Variants in ASTN1 observed in about 807,000 individuals in gnomAD.
The protein encoded by ASTN1 is astrotactin-1.
In ASTN1, 41 loss-of-function variants were observed where a neutral mutation model predicts 140.7. The observed-to-expected ratio is 0.29, with a 90% confidence interval of 0.23 to 0.38. ASTN1 has a LOEUF of 0.38. Ranked by LOEUF, ASTN1 falls within the 10% of genes least tolerant of loss-of-function variation. The probability of loss-of-function intolerance (pLI) is 1.00; values close to 1 mark genes in which losing one functional copy is unlikely to be tolerated. For synonymous variants in ASTN1, 640 were observed against 652.2 expected, an observed-to-expected ratio of 0.98 and a Z score of 0.29; for missense variants, 1,479 against 1,678.8, an observed-to-expected ratio of 0.88 and a Z score of 2.08.
At position 176,874,848 on chromosome 1, in the gene ASTN1, C is replaced by A. The variant is rs966525168; in HGVS notation, c.3463+1689G>T. On this transcript the variant is annotated intron_variant, in intron 21 of 22. Coordinates refer to ENST00000361833, the MANE Select transcript of ASTN1 (RefSeq NM_004319.3). ...TAAACTGAGGCACGGGGTGAAGTAA[C>A]CTGTTGAAGATCAAGCAGTTAGATG... Among the ~76,000 whole-genome samples the A allele has an allele frequency of 2.0e-5, 3 of 151,900 alleles. No homozygotes were observed. In the South Asian group the frequency reaches 6.3e-4, roughly 32 times the overall value.
chr1:177,028,726 A>T (rs905935159), intron 5 of ASTN1, among the ~76,000 whole-genome samples: 1 of 152,230 alleles, frequency 6.6e-6, no homozygotes, highest in Non-Finnish European at 1.5e-5. Flanking sequence ...AACAGCAACA[A>T]TAGGGATTTC....
intron 19 of ASTN1, among the ~76,000 whole-genome samples, chr1:176,883,227 G>T (rs1031327986): frequency 6.7e-6 from 1 of 149,268 alleles, no homozygotes; most frequent in Non-Finnish European, 1.5e-5. Flanking sequence ...ACACCTGAGA[G>T]CTTCTTTTTT....
chr1:177,131,303 A>G (rs879594382), intron 1 of ASTN1, among the ~76,000 whole-genome samples: 2 of 152,242 alleles, frequency 1.3e-5, no homozygotes, highest in Non-Finnish European at 2.9e-5. Context: ...ATACAAAAAG[A>G]ACTCTGTTAT....
intron 16 of ASTN1, among the ~76,000 whole-genome samples, chr1:176,895,486 T>A (rs1669466447): frequency 6.6e-6 from 1 of 152,228 alleles, no homozygotes; most frequent in South Asian, 2.1e-4. Flanking sequence ...AATCCACTTT[T>A]GTCTGATTCT....
intron 16 of ASTN1, among the ~76,000 whole-genome samples, chr1:176,912,129 T>C (rs1445127283): frequency 2.0e-5 from 3 of 152,178 alleles, no homozygotes; most frequent in African/African-American, 7.2e-5. Context: ...GGAAGAATCA[T>C]TGAGAAGGAA....
At chr1:176,873,563 C>T (rs1414934330) in intron 21 of ASTN1, among the ~76,000 whole-genome samples, 1 of 152,158 alleles carries the variant, frequency 6.6e-6, no homozygotes, top group African/African-American at 2.4e-5. Context: ...GATTTAAACT[C>T]AGACCTGAGT....
Position 177,023,283 on chromosome 1 carries a change from G to A in ASTN1, c.1438+121C>T, listed in dbSNP as rs900900648. The A allele has an allele frequency of 1.3e-5, 16 of 1,270,000 alleles. No individual in the cohort carries two copies. In the African/African-American group the frequency reaches 2.5e-4, roughly 20 times the overall value. 78.7% of individuals were successfully genotyped at this position (1,270,000 alleles called of 1,614,324 possible). A position where few individuals can be genotyped will look rare whatever the true frequency, so the allele number is the denominator to read the frequency against. The stretch of plus-strand genomic sequence containing the variant: ...CCAACCACATGCAGGCAGTCCGCAT[G>A]GTCTAGGCTCGAGATGGCAGTGGGA... On this transcript the variant is annotated intron_variant, in intron 7 of 22. Transcript: ENST00000361833.
intron 21 of ASTN1, among the ~76,000 whole-genome samples, chr1:176,873,709 C>A (rs1668445258): frequency 6.6e-6 from 1 of 152,152 alleles, no homozygotes; most frequent in Admixed American, 6.5e-5. Flanking sequence ...CTGGATTTAC[C>A]TGCACAGGAC....
At chr1:177,105,301 T>C (rs1457801190) in intron 1 of ASTN1, among the ~76,000 whole-genome samples, 1 of 152,172 alleles carries the variant, frequency 6.6e-6, no homozygotes, top group East Asian at 1.9e-4. Context: ...CAAGGGTAAA[T>C]GATTCCTTAA....
In ASTN1 at chr1:176,864,536, C is replaced by T. The variant is rs769906645; in HGVS notation, c.3648-15G>A. On this transcript the variant is annotated splice_polypyrimidine_tract_variant and intron_variant, in intron 22 of 22. Coordinates refer to ENST00000361833, the MANE Select transcript of ASTN1 (RefSeq NM_004319.3). The stretch of plus-strand genomic sequence containing the variant: ...GACCAGCTTTCCTATGGATCAAGCA[C>T]AGAGGATACTTAAGTTAGAAAGAAG... The T allele has an allele frequency of 1.1e-5, 17 of 1,612,014 alleles. No homozygotes were observed. The highest frequency in any genetic ancestry group is 3.3e-5 in the Admixed American group (2 of 59,960).
intron 8 of ASTN1, among the ~76,000 whole-genome samples, chr1:176,984,716 C>T (rs544262400): frequency 6.6e-6 from 1 of 152,274 alleles, no homozygotes; most frequent in South Asian, 2.1e-4. Context: ...CTAACTTATA[C>T]TTCTTATTTT....
At chr1:176,858,999 C>T (rs1442260268), downstream of ASTN1, among the ~76,000 whole-genome samples, 1 of 152,214 alleles carries the variant, frequency 6.6e-6, no homozygotes, top group African/African-American at 2.4e-5. Flanking sequence ...TTACTTCAGA[C>T]TTGCAATGAA....
At chr1:176,989,746 C>T (rs1393073916) in intron 8 of ASTN1, among the ~76,000 whole-genome samples, 3 of 152,144 alleles carry the variant, frequency 2.0e-5, no homozygotes, top group East Asian at 3.9e-4. Flanking sequence ...AATAATGGCT[C>T]ATTCCAGGAA....
rs924914628 is a variant in ASTN1, at chr1:177,063,144, G to C, written c.284-1879C>G. ...GGAAGAATATCAGCTGGTCCGCTAAGGGTAGGGCAATTAGAAGGTTTTATA... is the reference window on the plus strand; with the variant it reads ...GGAAGAATATCAGCTGGTCCGCTAACGGTAGGGCAATTAGAAGGTTTTATA... On this transcript the variant is annotated intron_variant, in intron 1 of 22. Transcript: ENST00000361833. Among the ~76,000 whole-genome samples, 8 of 152,286 alleles carry C rather than the reference G, an allele frequency of 5.3e-5. No individual in the cohort carries two copies. In the East Asian group the frequency reaches 1.5e-3, roughly 29 times the overall value.
At chr1:176,872,925 ATAT>A (rs1178645131) in intron 21 of ASTN1, among the ~76,000 whole-genome samples, 1 of 152,202 alleles carries the variant, frequency 6.6e-6, no homozygotes, top group Non-Finnish European at 1.5e-5. Context: ...GCCATCTGAA[ATAT>A]TATACACATT....
chr1:177,157,505 G>A (rs1261919898), intron 1 of ASTN1, among the ~76,000 whole-genome samples: 3 of 151,992 alleles, frequency 2.0e-5, no homozygotes, highest in Non-Finnish European at 4.4e-5. Context: ...TGTAGAGATG[G>A]GGTTTTGTCA....
At chr1:176,956,744 A>T (rs947387216) in intron 11 of ASTN1, among the ~76,000 whole-genome samples, 10 of 152,154 alleles carry the variant, frequency 6.6e-5, no homozygotes, top group Non-Finnish European at 8.8e-5. Context: ...CAATAGTGCT[A>T]TGAGTATAAG....
At chr1:176,878,888 C>G (rs1668674024) in intron 20 of ASTN1, among the ~76,000 whole-genome samples, 1 of 152,194 alleles carries the variant, frequency 6.6e-6, no homozygotes, top group African/African-American at 2.4e-5. Context: ...ACCTCGGTAG[C>G]ACTGCCCTCT....
chr1:177,079,781 T>A (rs1020320085), intron 1 of ASTN1, among the ~76,000 whole-genome samples: 13 of 152,114 alleles, frequency 8.5e-5, no homozygotes, highest in African/African-American at 3.1e-4. Context: ...ACTGAAAAGA[T>A]AACAAAAGCT....
Sources: gnomAD v4.1 joint callset for allele counts (sites outside exome capture counted in the v4.1 genomes callset) on GRCh38, gnomAD v4.1.1 for gene constraint, MANE v1.5 for transcripts, NCBI Gene and HGNC (gene_info 2026-07-23, HGNC 2026-07-21) for gene names.